Variants in PREX2 observed in about 807,000 individuals in gnomAD.
The protein encoded by PREX2 is phosphatidylinositol 3,4,5-trisphosphate-dependent Rac exchanger 2 protein.
In PREX2, 107 loss-of-function variants were observed where a neutral mutation model predicts 203.2. The ratio of observed to expected loss-of-function variants is 0.53; its 90% confidence interval spans 0.45 to 0.62. The LOEUF is 0.62. Ranked by LOEUF, PREX2 falls within the 20% of genes least tolerant of loss-of-function variation. PREX2 has a pLI of 0.00. For missense variants in PREX2, 1,777 were observed against 1,955.9 expected, an observed-to-expected ratio of 0.91 and a Z score of 1.72; for synonymous variants, 672 against 663.6, an observed-to-expected ratio of 1.01 and a Z score of -0.19.
At chr8:68,144,563 T>G (rs1223149544) in intron 33 of PREX2, among the ~76,000 whole-genome samples, 1 of 152,170 alleles carries the variant, frequency 6.6e-6, no homozygotes, top group African/African-American at 2.4e-5. Flanking sequence ...CTATAATTGC[T>G]TATTAGTTCC....
chr8:68,045,667 G>A (rs1808329941), intron 8 of PREX2, among the ~76,000 whole-genome samples: 1 of 152,094 alleles, frequency 6.6e-6, no homozygotes, highest in South Asian at 2.1e-4. Context: ...CCATGCTATT[G>A]TGTTCATCCA....
intron 38 of PREX2, among the ~76,000 whole-genome samples, chr8:68,222,173 A>G (rs944269452): frequency 5.3e-5 from 8 of 152,176 alleles, no homozygotes; most frequent in Non-Finnish European, 7.4e-5. Flanking sequence ...CCTGCTGGAA[A>G]GGCCTAGTTG....
chr8:68,224,751 T>C (rs1022909588), intron 39 of PREX2, 125 bp downstream of exon 39: 7 of 674,946 alleles, frequency 1.0e-5, no homozygotes, highest in Admixed American at 2.6e-5. Context: ...ATTACGGAGA[T>C]TGCCCTTGAA....
chr8:68,073,285 A>G (rs1167574071), intron 14 of PREX2, among the ~76,000 whole-genome samples: 1 of 151,530 alleles, frequency 6.6e-6, no homozygotes, highest in African/African-American at 2.4e-5. Flanking sequence ...ACTGATACCC[A>G]CTGTAACTGA....
chr8:68,109,696 A>G (rs1216289840), intron 25 of PREX2, 73 bp downstream of exon 25: 7 of 1,235,896 alleles, frequency 5.7e-6, no homozygotes, highest in Non-Finnish European at 8.2e-6. Flanking sequence ...GAAAAATTCA[A>G]TCATTCTCTC....
chr8:68,138,491 C>T lies in PREX2; in HGVS notation c.4061C>T (p.Pro1354Leu). 1 of 1,597,742 alleles carries T rather than the reference C, an allele frequency of 6.3e-7. No homozygotes were observed. Among genetic ancestry groups the T allele is most frequent in the Non-Finnish European group, 8.5e-7 (1 of 1,169,834 alleles). The change falls in exon 33 of 40, where the codon CCA becomes CTA. Residue 1354 changes from proline (P) to leucine (L), a missense_variant. Pro to Leu is a moderately conservative substitution (Grantham distance 98). Transcript: ENST00000288368. ...GAAAAGGTTTCCTTTTACTTTAAAC[C>T]ATCAGAAGAGGAACCTCTGGTTGCA... ...DLEKVSFYFK[P>L]SEEEPLVANV...
At chr8:68,050,062 G>GTGTATATATATA (rs1554571130) in intron 8 of PREX2, among the ~76,000 whole-genome samples, 1 of 151,180 alleles carries the variant, frequency 6.6e-6, no homozygotes, top group African/African-American at 2.4e-5. Context: ...ATGTATGTGT[G>GTGTATATATATA]TATATATATA....
At chr8:68,159,046 G>T (rs1004453183) in intron 35 of PREX2, among the ~76,000 whole-genome samples, 5 of 152,114 alleles carry the variant, frequency 3.3e-5, no homozygotes, top group African/African-American at 1.2e-4. Flanking sequence ...AATAAAATTT[G>T]AATGCCAGAA....
chr8:68,061,367 G>T (rs1808846465), intron 11 of PREX2, among the ~76,000 whole-genome samples: 1 of 152,196 alleles, frequency 6.6e-6, no homozygotes, highest in African/African-American at 2.4e-5. Context: ...GGGGCCAGGA[G>T]CTGATGAATG....
At chr8:68,192,235 G>T in intron 36 of PREX2, 100 bp from the exon 37 acceptor site, 1 of 865,078 alleles carries the variant, frequency 1.2e-6, no homozygotes, top group South Asian at 1.9e-5. Flanking sequence ...CCACCAAAAT[G>T]AAATAAAATT....
At position 68,220,921 on chromosome 8, in the gene PREX2, G is replaced by A. The variant is rs112194708; in HGVS notation, c.4707+3203G>A. 5.4e-3 allele frequency among the ~76,000 whole-genome samples: 825 copies of A among 152,164 alleles called. 11 individuals carry two copies. Among genetic ancestry groups the A allele is most frequent in the African/African-American group, 0.019 (771 of 41,518 alleles). On this transcript the variant is annotated intron_variant, in intron 38 of 39. Transcript: ENST00000288368. ...GTGTGCAGGTTTGTTACATGGATAC[G>A]TTGCATAATGCTGGGGTTTGGGCTT...
At chr8:68,008,781 T>C (rs776200852) in intron 1 of PREX2, among the ~76,000 whole-genome samples, 1 of 152,068 alleles carries the variant, frequency 6.6e-6, no homozygotes, top group Non-Finnish European at 1.5e-5. Flanking sequence ...AAAGGGGAAT[T>C]CCCCTGCACA....
chr8:68,046,427 G>A (rs1808353051), intron 8 of PREX2, among the ~76,000 whole-genome samples: 1 of 152,060 alleles, frequency 6.6e-6, no homozygotes, highest in South Asian at 2.1e-4. Context: ...GAGATCCTAT[G>A]AAGGGTGACT....
intron 35 of PREX2, among the ~76,000 whole-genome samples, chr8:68,178,410 T>C (rs1056610205): frequency 5.9e-5 from 9 of 152,276 alleles, no homozygotes; most frequent in Admixed American, 2.6e-4. Context: ...TTGTTGTCCA[T>C]ATGTATGTCT....
At chr8:68,228,688 C>T (rs928870844) in intron 39 of PREX2, among the ~76,000 whole-genome samples, 2 of 151,920 alleles carry the variant, frequency 1.3e-5, no homozygotes, top group Non-Finnish European at 2.9e-5. Flanking sequence ...ATCTCCTGAA[C>T]CCAGGAGGTG....
At chr8:68,212,115 CCTT>C (rs370766491) in intron 37 of PREX2, among the ~76,000 whole-genome samples, 1 of 152,160 alleles carries the variant, frequency 6.6e-6, no homozygotes, top group Admixed American at 6.5e-5. Flanking sequence ...ACCCTCATCT[CCTT>C]CTCCCTGTGT....
intron 1 of PREX2, among the ~76,000 whole-genome samples, chr8:68,000,919 C>G (rs1425812811): frequency 6.6e-6 from 1 of 152,130 alleles, no homozygotes; most frequent in African/African-American, 2.4e-5. Context: ...GAAACTAGAT[C>G]CCTTCCTTAC....
At chr8:68,107,749 T>C (rs1406148664) in intron 23 of PREX2, among the ~76,000 whole-genome samples, 1 of 152,180 alleles carries the variant, frequency 6.6e-6, no homozygotes, top group Non-Finnish European at 1.5e-5. Context: ...ATCTCCATTC[T>C]CTCCTGGTGT....
chr8:67,986,983 C>T (rs1236341018), intron 1 of PREX2, among the ~76,000 whole-genome samples: 2 of 151,832 alleles, frequency 1.3e-5, no homozygotes, highest in Non-Finnish European at 2.9e-5. Flanking sequence ...GAAACCCTGT[C>T]TGTACTAAAA....
Sources: allele counts gnomAD v4.1 joint callset (sites outside exome capture counted in the v4.1 genomes callset), GRCh38; gene constraint gnomAD v4.1.1; transcripts MANE v1.5; gene names NCBI Gene and HGNC (gene_info 2026-07-23, HGNC 2026-07-21).